Variants in PCDHA7 observed in about 807,000 individuals in gnomAD.
PCDHA7 encodes the protein protocadherin alpha 7.
A neutral mutation model predicts 57.2 loss-of-function variants in PCDHA7; 37 were observed. The observed-to-expected ratio is 0.65, with a 90% CI of 0.50 to 0.85. The LOEUF (loss-of-function observed/expected upper bound fraction) is 0.85. PCDHA7 is among the 40% of genes least tolerant of loss of function. The pLI, the probability that PCDHA7 is intolerant of heterozygous loss-of-function variation, is 0.00. For synonymous variants in PCDHA7, 553 were observed against 558.8 expected (o/e 0.99, Z 0.15); for missense variants, 1,188 against 1,241.8 (o/e 0.96, Z 0.65).
chr5:140,925,033 C>G (rs1176042899), intron 1 of PCDHA7, among the ~76,000 whole-genome samples: 1 of 151,334 alleles, frequency 6.6e-6, no homozygotes, highest in Non-Finnish European at 1.5e-5. Flanking sequence ...ATCGCTTGAG[C>G]CCAGAAGTTT....
rs2150355874 is a variant in PCDHA7, at chr5:140,843,244, C to G, written c.2355+6506C>G. 38 of 1,595,906 alleles carry G rather than the reference C, an allele frequency of 2.4e-5. 6 individuals carry two copies. The Middle Eastern group carries it at 6.6e-4, about 28-fold the overall frequency. On this transcript the variant is annotated intron_variant, in intron 1 of 3. Transcript: ENST00000525929. ...CCACTCGTGTCCTGGACGAAGCGGA[C>G]TCTCCGCGCCACCGTCTGCTGGTCC...
intron 1 of PCDHA7, chr5:140,863,121 G>C (rs1554157790): frequency 1.7e-6 from 1 of 592,122 alleles, no homozygotes; most frequent in South Asian, 1.4e-5. Flanking sequence ...CGAAAGCTAC[G>C]CGCCACCGCC....
At chr5:140,866,804 C>A (rs1157058668) in intron 1 of PCDHA7, 3 of 152,118 alleles carry the variant, frequency 2.0e-5, no homozygotes, top group Non-Finnish European at 4.4e-5. Flanking sequence ...AAGTCAGGCA[C>A]AAAGTTCCTT....
At chr5:140,883,162 C>A (rs782797002) in intron 1 of PCDHA7, 8 of 1,613,690 alleles carry the variant, frequency 5.0e-6, no homozygotes, top group Non-Finnish European at 5.1e-6. Context: ...TAAATCCGAA[C>A]AATGGAGAAA....
In PCDHA7 at chr5:140,843,230, C is replaced by A. The variant is rs1225755586; in HGVS notation, c.2355+6492C>A. On this transcript the variant is annotated intron_variant, in intron 1 of 3. Transcript: ENST00000525929. ...GGGCGAGATCAGCACCACTCGTGTC[C>A]TGGACGAAGCGGACTCTCCGCGCCA... 4 of 1,596,146 alleles carry A rather than the reference C, an allele frequency of 2.5e-6. 1 individual carries two copies. In the African/African-American group the frequency reaches 5.4e-5, roughly 21 times the overall value.
chr5:140,985,508 A>G (rs2097155357), intron 3 of PCDHA7, among the ~76,000 whole-genome samples: 1 of 152,160 alleles, frequency 6.6e-6, no homozygotes, highest in Admixed American at 6.5e-5. Context: ...CCTTTCATTG[A>G]TTCTGTTGCC....
At chr5:140,964,941 G>A (rs1223587543) in intron 1 of PCDHA7, among the ~76,000 whole-genome samples, 1 of 152,242 alleles carries the variant, frequency 6.6e-6, no homozygotes, top group African/African-American at 2.4e-5. Context: ...AGCATTGATA[G>A]TGAGTGTGCT....
intron 1 of PCDHA7, chr5:140,859,908 T>C (rs1554152827): frequency 6.6e-6 from 1 of 150,380 alleles, no homozygotes; most frequent in Non-Finnish European, 1.5e-5. Context: ...CTTAATGTCT[T>C]ATATTATAAG....
At chr5:140,883,446 T>TCCC (rs2059615161) in intron 1 of PCDHA7, 1 of 1,614,012 alleles carries the variant, frequency 6.2e-7, no homozygotes, top group African/African-American at 1.3e-5. Context: ...ACGCCGCATG[T>TCCC]CCCCTTCAAG....
At chr5:141,004,348 C>A (rs1554259549) in intron 3 of PCDHA7, among the ~76,000 whole-genome samples, 1 of 152,216 alleles carries the variant, frequency 6.6e-6, no homozygotes, top group Non-Finnish European at 1.5e-5. Context: ...CTGTGAGGGA[C>A]TGGAGAGACC....
intron 1 of PCDHA7, chr5:140,849,719 G>C: frequency 1.3e-6 from 2 of 1,598,560 alleles, no homozygotes; most frequent in South Asian, 1.1e-5. Context: ...ACTCGTTGGT[G>C]CTGGACAGAG....
rs2150219958 is a variant in PCDHA7, at chr5:140,834,504, C to T, written c.121C>T (p.His41Tyr). ...LHYSVPEEAK[H>Y]GNFVGRIAQD... ...CTACTCGGTCCCCGAGGAGGCTAAA[C>T]ATGGCAACTTCGTGGGCCGCATCGC... Residue 41 changes from histidine to tyrosine, a missense_variant, in exon 1 of 4, where the codon CAT becomes TAT. Physicochemically the swap from His to Tyr is moderately conservative, Grantham distance 83 (BLOSUM62 2). Coordinates refer to ENST00000525929, the MANE Select transcript of PCDHA7 (RefSeq NM_018910.3). 3 of 1,614,130 alleles carry T rather than the reference C, an allele frequency of 1.9e-6. No homozygotes were observed. Among genetic ancestry groups the T allele is most frequent in the Non-Finnish European group, 1.7e-6 (2 of 1,180,048 alleles).
chr5:140,835,829 G>C lies in PCDHA7; in HGVS notation c.1446G>C (p.Ala482=). 6.2e-7 allele frequency: 1 copy of C among 1,612,474 alleles called. No homozygotes were observed. The highest frequency in any genetic ancestry group is 8.5e-7 in the Non-Finnish European group (1 of 1,179,672). Reference sequence around the variant, plus strand: ...TCTTCACTGTGTCGGCGGGGGACGCGGACGCGCAGAAGAACGCGCTGGTGT... The same window carrying C: ...TCTTCACTGTGTCGGCGGGGGACGCCGACGCGCAGAAGAACGCGCTGGTGT... ...CHIFTVSAGD[A]DAQKNALVSY... The change falls in exon 1 of 4, where the codon GCG becomes GCC. Residue 482 remains alanine (A), a synonymous_variant. Coordinates refer to ENST00000525929, the MANE Select transcript of PCDHA7 (RefSeq NM_018910.3).
At chr5:140,912,472 G>A (rs993404931) in intron 1 of PCDHA7, among the ~76,000 whole-genome samples, 4 of 151,836 alleles carry the variant, frequency 2.6e-5, no homozygotes, top group African/African-American at 9.7e-5. Context: ...GAACTTTACT[G>A]AATTCATTTA....
chr5:140,870,009 G>T, intron 1 of PCDHA7: 2 of 1,613,488 alleles, frequency 1.2e-6, no homozygotes, highest in Non-Finnish European at 1.7e-6. Flanking sequence ...GAGAAGTGAG[G>T]GTCAATGGAA....
At position 140,834,624 on chromosome 5, in the gene PCDHA7, A is replaced by G. The variant is rs2150222938; in HGVS notation, c.241A>G (p.Asn81Asp). 1 of 1,614,104 alleles carries G rather than the reference A, an allele frequency of 6.2e-7. No homozygotes were observed. Among genetic ancestry groups the G allele is most frequent in the East Asian group, 2.2e-5 (1 of 44,878 alleles). The change falls in exon 1 of 4, where the codon AAT (asparagine) becomes GAT (aspartate). Residue 81 changes from asparagine (N) to aspartate (D), a missense_variant. Coordinates refer to ENST00000525929, the MANE Select transcript of PCDHA7 (RefSeq NM_018910.3). The part of the protein sequence containing the change: ...RGDLLEVNLQ[N>D]GILFVNSRID... The stretch of plus-strand genomic sequence containing the variant: ...GGATCTTCTGGAGGTAAATCTGCAG[A>G]ATGGCATTTTGTTTGTGAATTCTCG...
At chr5:140,858,437 G>A (rs1343643925) in intron 1 of PCDHA7, 1 of 1,541,834 alleles carries the variant, frequency 6.5e-7, no homozygotes, top group Non-Finnish European at 8.8e-7. Flanking sequence ...CTCTAGGAAG[G>A]TGGGTTATTA....
chr5:140,920,780 G>A lies in PCDHA7; in HGVS notation c.2356-58169G>A, dbSNP rs187594262. Among the ~76,000 whole-genome samples the A allele has an allele frequency of 7.9e-3, 1,202 of 151,454 alleles. 5 individuals carry two copies. Among genetic ancestry groups the A allele is most frequent in the African/African-American group, 0.019 (781 of 41,244 alleles). ...AATTGCTTACACCTGGGAGGTGGAG[G>A]TTGCAGGGAACCAAGATCACGCCAC... On this transcript the variant is annotated intron_variant, in intron 1 of 3. Transcript: ENST00000525929.
chr5:140,835,920 G>C lies in PCDHA7; in HGVS notation c.1537G>C (p.Glu513Gln), dbSNP rs2150248409. The C allele has an allele frequency of 1.2e-6, 2 of 1,612,396 alleles. No homozygotes were observed. Among genetic ancestry groups the C allele is most frequent in the Non-Finnish European group, 1.7e-6 (2 of 1,179,664 alleles). Reference sequence around the variant, plus strand: ...GTCGAGCTACGTGTCAGTGCACGCGGAGAGCGGCAAGGTGTACGCGCTGCA... The same window carrying C: ...GTCGAGCTACGTGTCAGTGCACGCGCAGAGCGGCAAGGTGTACGCGCTGCA... ...ALSSYVSVHA[E>Q]SGKVYALQPL... Residue 513 changes from glutamate to glutamine, a missense_variant, in exon 1 of 4, where the codon GAG becomes CAG. Transcript: ENST00000525929.
Sources: gnomAD v4.1 joint callset for allele counts (sites outside exome capture counted in the v4.1 genomes callset) on GRCh38, gnomAD v4.1.1 for gene constraint, MANE v1.5 for transcripts, NCBI Gene and HGNC (gene_info 2026-07-23, HGNC 2026-07-21) for gene names.